Variants in FAM83A observed in about 807,000 individuals in gnomAD.
FAM83A encodes scaffolding CK1 anchoring protein A, also known as protein FAM83A.
In FAM83A, 21 loss-of-function variants were observed where a neutral mutation model predicts 24.4. That is an observed-to-expected ratio of 0.86 (90% CI 0.61 to 1.24). FAM83A has a LOEUF of 1.24. FAM83A is among the 50% of genes most tolerant of loss of function. FAM83A has a pLI of 0.00. For missense variants in FAM83A, 617 were observed against 579.8 expected (o/e 1.06, Z -0.66); for synonymous variants, 270 against 252.4 (o/e 1.07, Z -0.66).
exon 4 of FAM83A, chr8:123,207,292 G>C (rs1586791444): frequency 1.2e-6 from 2 of 1,612,464 alleles, no homozygotes; most frequent in African/African-American, 2.7e-5. Flanking sequence ...AGTCCCCGCG[G>C]CTGGTCGCCC....
intron 1 of FAM83A, among the ~76,000 whole-genome samples, chr8:123,190,512 G>A (rs1182614602): frequency 1.3e-5 from 2 of 151,370 alleles, no homozygotes; most frequent in African/African-American, 4.9e-5. Flanking sequence ...TGATCCGCCC[G>A]CCTCGGCCTC....
chr8:123,207,482 C>T, exon 4 of FAM83A: 6 of 1,586,068 alleles, frequency 3.8e-6, no homozygotes, highest in East Asian at 4.5e-5. Flanking sequence ...GCCTCCACCG[C>T]CCCGGTTCCA....
chr8:123,208,510 G>A (rs1824637627), exon 4 of FAM83A: 1 of 985,448 alleles, frequency 1.0e-6, no homozygotes, highest in Non-Finnish European at 1.2e-6. Flanking sequence ...GAGCAGCAGG[G>A]AGGGCTCAGC....
At chr8:123,194,295 G>T in intron 3 of FAM83A, 147 bp downstream of exon 3, 9 of 1,158,514 alleles carry the variant, frequency 7.8e-6, no homozygotes, top group Non-Finnish European at 1.1e-5. Flanking sequence ...GCATCACATA[G>T]ATGGGGTGAG....
Position 123,209,902 on chromosome 8 carries a change from T to C in FAM83A, c.*2214T>C. On this transcript the variant is annotated 3_prime_UTR_variant, in exon 4 of 4. Coordinates refer to ENST00000690554, the Ensembl canonical transcript of FAM83A. The surrounding 1 kb of genome is among the most constrained non-coding windows in gnomAD (Gnocchi z 4.7). ...ATGAGCAGAACCGCCGAGGGTCACT[T>C]CTGGGCAGAAGCTTTGAGAGCCTGG... The C allele has an allele frequency of 4.1e-6, 1 of 243,604 alleles. No homozygotes were observed. Among genetic ancestry groups the C allele is most frequent in the Non-Finnish European group, 8.1e-6 (1 of 123,080 alleles). The allele number at this position is 243,604 out of a possible 1,614,324, so 15.1% of individuals were successfully genotyped here. A position where few individuals can be genotyped will look rare whatever the true frequency, so the allele number is the denominator to read the frequency against.
At chr8:123,206,765 G>C (rs1220403786) in intron 3 of FAM83A, among the ~76,000 whole-genome samples, 1 of 152,166 alleles carries the variant, frequency 6.6e-6, no homozygotes, top group Non-Finnish European at 1.5e-5. Context: ...CTCTCTCAGG[G>C]TTTCTGCCAG....
chr8:123,198,458 G>T (rs993238469), intron 3 of FAM83A, among the ~76,000 whole-genome samples: 1 of 152,192 alleles, frequency 6.6e-6, no homozygotes, highest in Non-Finnish European at 1.5e-5. Context: ...GAGCTTAAGC[G>T]ACCGGGAGGG....
chr8:123,195,854 A>G (rs1258989164), intron 3 of FAM83A, among the ~76,000 whole-genome samples: 1 of 152,252 alleles, frequency 6.6e-6, no homozygotes, highest in Non-Finnish European at 1.5e-5. Context: ...CAAAGGCCCT[A>G]CACACTAATA....
At chr8:123,207,814 T>A in exon 4 of FAM83A, 1 of 1,402,390 alleles carries the variant, frequency 7.1e-7, no homozygotes, top group African/African-American at 1.5e-5. Context: ...ATCACTGCCA[T>A]GGTTCAATGT....
At chr8:123,208,984 G>A (rs1824650599) in exon 4 of FAM83A, 1 of 985,600 alleles carries the variant, frequency 1.0e-6, no homozygotes, top group East Asian at 1.1e-4. Context: ...AAAAAAAAGA[G>A]AGAGAGCATA....
rs139425827 is a variant in FAM83A at position 123,188,470 on chromosome 8, G to T, written c.481-3333G>T. On this transcript the variant is annotated intron_variant, in intron 1 of 3. Coordinates refer to ENST00000690554, the Ensembl canonical transcript of FAM83A. Reference sequence around the variant, plus strand: ...CAATGCACCTTCTTTTTCTTTTTTCGTTTCTTTTTCTTTCTTACTTTTTTT... The same window carrying T: ...CAATGCACCTTCTTTTTCTTTTTTCTTTTCTTTTTCTTTCTTACTTTTTTT... 2.2e-3 allele frequency among the ~76,000 whole-genome samples: 324 copies of T among 150,548 alleles called. 2 individuals are homozygous for T. The highest frequency in any genetic ancestry group is 7.5e-3 in the African/African-American group (309 of 41,010).
At chr8:123,206,165 C>A (rs1824546712) in intron 3 of FAM83A, among the ~76,000 whole-genome samples, 1 of 151,784 alleles carries the variant, frequency 6.6e-6, no homozygotes, top group African/African-American at 2.4e-5. Flanking sequence ...ATCTGGGAAT[C>A]ATACAAAGTA....
intron 2 of FAM83A, 79 bp downstream of exon 2, chr8:123,192,049 C>G: frequency 6.7e-7 from 1 of 1,497,858 alleles, no homozygotes; most frequent in African/African-American, 1.4e-5. Context: ...ACAAATGTCC[C>G]TCATCTTGTG....
chr8:123,207,691 G>A, exon 4 of FAM83A: 1 of 1,478,770 alleles, frequency 6.8e-7, no homozygotes, highest in Non-Finnish European at 8.9e-7. Context: ...ACTTCTGAAG[G>A]TCCCATCCCC....
At chr8:123,200,385 T>G (rs764569088) in intron 3 of FAM83A, among the ~76,000 whole-genome samples, 2 of 152,194 alleles carry the variant, frequency 1.3e-5, no homozygotes, top group Non-Finnish European at 2.9e-5. Flanking sequence ...TGGGAAGAAT[T>G]AAGCATCTCA....
At position 123,205,349 on chromosome 8, in the gene FAM83A, T is replaced by C. The variant is rs537674037; in HGVS notation, c.774-1808T>C. Reference sequence around the variant, plus strand: ...TTCAGACAACAGAGGGCGACTGGCTTCTGAGTGCAGTGCGGCCCTTTGTCC... The same window carrying C: ...TTCAGACAACAGAGGGCGACTGGCTCCTGAGTGCAGTGCGGCCCTTTGTCC... On this transcript the variant is annotated intron_variant, in intron 3 of 3. Transcript: ENST00000690554. Among the ~76,000 whole-genome samples the C allele has an allele frequency of 8.5e-5, 13 of 152,330 alleles. No individual in the cohort carries two copies. In the South Asian group the frequency reaches 2.7e-3, roughly 32 times the overall value.
At chr8:123,201,455 C>G (rs1050501349) in intron 3 of FAM83A, 1 of 152,252 alleles carries the variant, frequency 6.6e-6, no homozygotes, top group East Asian at 1.9e-4. Flanking sequence ...GAGCCAGCTC[C>G]TGGAGGGAGA....
intron 1 of FAM83A, among the ~76,000 whole-genome samples, chr8:123,188,667 G>A (rs371103777): frequency 2.6e-5 from 4 of 152,054 alleles, no homozygotes; most frequent in Admixed American, 6.6e-5. Context: ...ATTTTTAGTA[G>A]AGATGGGGTT....
chr8:123,203,804 A>G (rs1281428041), intron 3 of FAM83A, among the ~76,000 whole-genome samples: 1 of 151,410 alleles, frequency 6.6e-6, no homozygotes, highest in Non-Finnish European at 1.5e-5. Context: ...ATGGTTAAAA[A>G]AACAAAACAA....
Sources: allele counts gnomAD v4.1 joint callset (sites outside exome capture counted in the v4.1 genomes callset), GRCh38; gene constraint gnomAD v4.1.1; non-coding constraint Gnocchi (gnomAD v3.1); transcripts MANE v1.5; gene names NCBI Gene and HGNC (gene_info 2026-07-23, HGNC 2026-07-21).